The following HROB variants were observed in gnomAD, a reference collection of about 807,000 sequenced individuals.
HROB encodes the protein homologous recombination factor with OB-fold.
In HROB, 44 loss-of-function variants were observed where a neutral mutation model predicts 61.0. The ratio of observed to expected loss-of-function variants is 0.72; its 90% CI spans 0.57 to 0.93. The LOEUF is 0.93. Among genes scored for constraint, HROB ranks in the 40% least tolerant of loss-of-function variants. HROB has a pLI of 0.00. For synonymous variants in HROB, 301 were observed against 310.4 expected (o/e 0.97, Z 0.32); for missense variants, 716 against 796.2 (o/e 0.90, Z 1.21).
chr17:44,155,804 C>G (rs954220886), intron 8 of HROB, among the ~76,000 whole-genome samples: 5 of 152,178 alleles, frequency 3.3e-5, no homozygotes, highest in Admixed American at 6.5e-5. Flanking sequence ...TCAGGTGAGC[C>G]AGCACCTGCT....
chr17:44,145,222 T>C lies in HROB; in HGVS notation c.23T>C (p.Leu8Pro), dbSNP rs2053577869. 1 of 1,613,930 alleles carries C rather than the reference T, an allele frequency of 6.2e-7. No individual in the cohort carries two copies. The highest frequency in any genetic ancestry group is 1.3e-5 in the African/African-American group (1 of 75,022). Residue 8 changes from leucine to proline, a missense_variant, in exon 2 of 10, where the codon CTG becomes CCG. Leu to Pro is a moderately conservative substitution (Grantham distance 98). Coordinates refer to ENST00000585683, the MANE Select transcript of HROB (RefSeq NM_001171251.3). MACSLQK[L>P]FAVEEEFEDE... ...TTTCAGGCGTGCAGTTTGCAGAAGC[T>C]GTTTGCTGTGGAAGAGGAGTTTGAA...
At chr17:44,144,763 A>G (rs1263454879) in intron 1 of HROB, among the ~76,000 whole-genome samples, 3 of 139,876 alleles carry the variant, frequency 2.1e-5, no homozygotes, top group African/African-American at 5.4e-5. Flanking sequence ...TTTTTTTGAT[A>G]CAGACTCACT....
At chr17:44,142,645 C>T (rs923813830) in intron 1 of HROB, among the ~76,000 whole-genome samples, 3 of 151,874 alleles carry the variant, frequency 2.0e-5, no homozygotes, top group Non-Finnish European at 2.9e-5. Context: ...TGGGGTTAGG[C>T]ACCACCTCTG....
intron 9 of HROB, among the ~76,000 whole-genome samples, chr17:44,160,348 A>G (rs1344939813): frequency 1.3e-5 from 2 of 152,186 alleles, no homozygotes; most frequent in Non-Finnish European, 2.9e-5. Flanking sequence ...TGGGCGGATC[A>G]CGAGGTCAGG....
intron 3 of HROB, 117 bp from the exon 4 acceptor site, chr17:44,150,844 A>T (rs1007000800): frequency 3.8e-6 from 3 of 797,972 alleles, no homozygotes; most frequent in Non-Finnish European, 6.2e-6. Context: ...GAGATGTAAT[A>T]TGTGTTAATA....
chr17:44,148,924 A>G lies in HROB; in HGVS notation c.1121A>G (p.Gln374Arg). The G allele has an allele frequency of 6.2e-7, 1 of 1,614,144 alleles. No individual in the cohort carries two copies. The highest frequency in any genetic ancestry group is 1.3e-5 in the African/African-American group (1 of 75,038). ...QTPIVTNHLV[Q>R]LVTAASRTPQ... ...CCCATAGTCACCAACCACCTGGTGCAGCTAGTCACTGCTGCCAGCCGGACA... is the reference window on the plus strand; with the variant it reads ...CCCATAGTCACCAACCACCTGGTGCGGCTAGTCACTGCTGCCAGCCGGACA... The change falls in exon 3 of 10, where the codon CAG (glutamine) becomes CGG (arginine). Residue 374 changes from glutamine to arginine, a missense_variant. Transcript: ENST00000585683.
intron 9 of HROB, among the ~76,000 whole-genome samples, chr17:44,160,008 C>G (rs1253121448): frequency 1.3e-5 from 2 of 152,240 alleles, no homozygotes; most frequent in Non-Finnish European, 2.9e-5. Flanking sequence ...CTTTCCCAGT[C>G]TGCTAAGTAA....
At position 44,148,959 on chromosome 17, in the gene HROB, C is replaced by A; in HGVS notation, c.1156C>A (p.Pro386Thr). ...TGCTGCCAGCCGGACACCCCAGCAGCCCACCCATCCCTCCACCCGAGCCAA... is the reference window on the plus strand; with the variant it reads ...TGCTGCCAGCCGGACACCCCAGCAGACCACCCATCCCTCCACCCGAGCCAA... ...VTAASRTPQQ[P>T]THPSTRAKTR... The change falls in exon 3 of 10, where the codon CCC (proline) becomes ACC (threonine). Residue 386 changes from proline (P) to threonine (T), a missense_variant. Coordinates refer to ENST00000585683, the MANE Select transcript of HROB (RefSeq NM_001171251.3). 1 of 1,614,070 alleles carries A rather than the reference C, an allele frequency of 6.2e-7. No homozygotes were observed. Among genetic ancestry groups the A allele is most frequent in the Non-Finnish European group, 8.5e-7 (1 of 1,179,968 alleles).
At chr17:44,150,826 T>C (rs1188030930) in intron 3 of HROB, 135 bp from the exon 4 acceptor site, 1 of 720,826 alleles carries the variant, frequency 1.4e-6, no homozygotes, top group South Asian at 1.8e-5. Flanking sequence ...CCTGAGACTT[T>C]GTTAGGAGAG....
intron 4 of HROB, among the ~76,000 whole-genome samples, 175 bp downstream of exon 4, chr17:44,151,219 G>A (rs1453324398): frequency 6.6e-6 from 1 of 152,224 alleles, no homozygotes; most frequent in African/African-American, 2.4e-5. Flanking sequence ...CTGGCATTAA[G>A]TGAGGCCTGT....
intron 2 of HROB, among the ~76,000 whole-genome samples, chr17:44,147,147 A>G (rs1347593792): frequency 1.3e-5 from 2 of 152,032 alleles, no homozygotes; most frequent in African/African-American, 2.4e-5. Context: ...CCCTGTTTAG[A>G]TAACAGGCCA....
chr17:44,156,641 T>G (rs2144070598), intron 8 of HROB, among the ~76,000 whole-genome samples: 1 of 152,142 alleles, frequency 6.6e-6, no homozygotes, highest in East Asian at 1.9e-4. Context: ...CTAACCATGG[T>G]TAACCATTTA....
At chr17:44,144,361 G>A (rs571259009) in intron 1 of HROB, among the ~76,000 whole-genome samples, 1 of 151,978 alleles carries the variant, frequency 6.6e-6, no homozygotes, top group East Asian at 1.9e-4. Context: ...GGCTGGTCTC[G>A]AACGCCTGAC....
intron 3 of HROB, 71 bp downstream of exon 3, chr17:44,149,098 A>G (rs1462024769): frequency 7.8e-6 from 11 of 1,407,572 alleles, no homozygotes; most frequent in Non-Finnish European, 1.1e-5. Flanking sequence ...GTCCAGCCCT[A>G]GCATATCTTC....
rs1427498146 is a variant in HROB, at chr17:44,148,187, A to T, written c.384A>T (p.Arg128Ser). The change falls in exon 3 of 10, where the codon AGA (arginine) becomes AGT (serine). Residue 128 changes from arginine (R) to serine (S), a missense_variant. Coordinates refer to ENST00000585683, the MANE Select transcript of HROB (RefSeq NM_001171251.3). ...CAGAAGTGCTCAGAGAGACAGCAAG[A>T]CCTCAGTCCTCAGCCTTACACCCCC... ...TVTEVLRETA[R>S]PQSSALHPLL... 7.4e-6 allele frequency: 12 copies of T among 1,614,134 alleles called. No individual in the cohort carries two copies. The South Asian group carries it at 1.2e-4, about 16-fold the overall frequency.
rs745929297 is a variant in HROB at position 44,147,892 on chromosome 17, G to A, written c.89G>A (p.Arg30Gln). The A allele has an allele frequency of 9.3e-6, 15 of 1,613,706 alleles. No individual in the cohort carries two copies. Among genetic ancestry groups the A allele is most frequent in the African/African-American group, 5.3e-5 (4 of 74,874 alleles). Reference sequence around the variant, plus strand: ...TCTGCTGTGGAGGATGCAGAGAACCGGTTTACTGGCTCACTGCCTGTGAAT... The same window carrying A: ...TCTGCTGTGGAGGATGCAGAGAACCAGTTTACTGGCTCACTGCCTGTGAAT... ...FLSAVEDAEN[R>Q]FTGSLPVNAG... Residue 30 changes from arginine (R) to glutamine (Q), a missense_variant, in exon 3 of 10, where the codon CGG (arginine) becomes CAG (glutamine). Physicochemically the swap from Arg to Gln is conservative, Grantham distance 43. Coordinates refer to ENST00000585683, the MANE Select transcript of HROB (RefSeq NM_001171251.3).
intron 8 of HROB, among the ~76,000 whole-genome samples, chr17:44,156,605 C>T (rs2053975686): frequency 6.6e-6 from 1 of 151,928 alleles, no homozygotes; most frequent in Admixed American, 6.6e-5. Context: ...ATGGGTCCTA[C>T]CCTTCCCCAC....
intron 1 of HROB, among the ~76,000 whole-genome samples, chr17:44,144,568 G>A (rs533637680): frequency 2.0e-5 from 3 of 151,840 alleles, no homozygotes; most frequent in Non-Finnish European, 4.4e-5. Context: ...GAGCCACCGT[G>A]CCTGGCAGAA....
chr17:44,161,777 G>T, intron 9 of HROB, 94 bp from the exon 10 acceptor site: 3 of 1,395,842 alleles, frequency 2.1e-6, no homozygotes, highest in South Asian at 2.3e-5. Context: ...ATACAGCCAG[G>T]TCCAGGCCCT....
Sources: gnomAD v4.1 joint callset for allele counts (sites outside exome capture counted in the v4.1 genomes callset) on GRCh38, gnomAD v4.1.1 for gene constraint, MANE v1.5 for transcripts, NCBI Gene and HGNC (gene_info 2026-07-23, HGNC 2026-07-21) for gene names.